The following TNK2 variants were observed in gnomAD, a reference collection of about 807,000 sequenced individuals.
The protein encoded by TNK2 is tyrosine kinase non receptor 2.
TNK2 carries 83 observed loss-of-function variants against 101.8 expected under a neutral mutation model. The observed-to-expected ratio is 0.82, with a 90% confidence interval of 0.68 to 0.98. The LOEUF is 0.98. TNK2 is among the 50% of genes least tolerant of loss of function. The pLI, the probability that TNK2 is intolerant of heterozygous loss-of-function variation, is 0.00. For synonymous variants in TNK2, 804 were observed against 633.0 expected (o/e 1.27, Z -4.06); for missense variants, 1,665 against 1,483.2 (o/e 1.12, Z -2.01).
chr3:195,868,861 G>A, intron 12 of TNK2, 152 bp from the exon 13 acceptor site: 2 of 881,340 alleles, frequency 2.3e-6, no homozygotes, highest in Non-Finnish European at 3.3e-6. Flanking sequence ...CCGGCGGCCA[G>A]GTTCTCAGCG....
chr3:195,868,216 C>T lies in TNK2; in HGVS notation c.2082G>A (p.Pro694=), dbSNP rs563488816. The T allele has an allele frequency of 4.9e-5, 78 of 1,606,712 alleles. No individual in the cohort carries two copies. Among genetic ancestry groups the T allele is most frequent in the Non-Finnish European group, 3.5e-5 (41 of 1,178,894 alleles). Residue 694 remains proline (P), a synonymous_variant, in exon 13 of 16, where the codon CCG becomes CCA. Transcript: ENST00000672887. ...NYAFVPEQAR[P]PPPLEDNLFL... ...ACAGGTTGTCCTCCAGGGGAGGGGG[C>T]GGCCGCGCCTGCTCAGGCACAAAGG...
At chr3:195,907,137 T>C (rs1425913156) in intron 1 of TNK2, among the ~76,000 whole-genome samples, 2 of 152,184 alleles carry the variant, frequency 1.3e-5, no homozygotes, top group South Asian at 2.1e-4. Flanking sequence ...TAGGTGAAGA[T>C]TGTGTGTATG....
intron 1 of TNK2, among the ~76,000 whole-genome samples, chr3:195,903,547 T>C (rs148305404): frequency 1.3e-5 from 2 of 151,978 alleles, no homozygotes; most frequent in Non-Finnish European, 2.9e-5. Context: ...TGAAACCCCA[T>C]CTCTACTAAG....
chr3:195,864,256 G>T, intron 15 of TNK2, 69 bp from the exon 16 acceptor site: 2 of 1,588,156 alleles, frequency 1.3e-6, no homozygotes, highest in Non-Finnish European at 1.7e-6. Flanking sequence ...GGCACCGGGG[G>T]TCACACTGGT....
chr3:195,893,520 C>T (rs1282631447), intron 1 of TNK2, among the ~76,000 whole-genome samples: 1 of 152,134 alleles, frequency 6.6e-6, no homozygotes, highest in Non-Finnish European at 1.5e-5. Context: ...TGACACAGAC[C>T]ACGGCCTCAG....
At chr3:195,902,617 C>CAAAAAA (rs776140268) in intron 1 of TNK2, among the ~76,000 whole-genome samples, 1 of 43,068 alleles carries the variant, frequency 2.3e-5, no homozygotes, top group Non-Finnish European at 4.7e-5. Context: ...GACTCCGTCT[C>CAAAAAA]AAAAAAAAAA....
In TNK2 at chr3:195,885,517, T is replaced by C. The variant is rs1322979833; in HGVS notation, c.235-484A>G. ...CATTTGGTGCTGTCTGTCTCCACCC[T>C]CACCAGGGAGTCGGCTGCCCTTCAT... On this transcript the variant is annotated intron_variant, in intron 3 of 15. Coordinates refer to ENST00000672887, the MANE Select transcript of TNK2 (RefSeq NM_001382273.1). This position sits in a 1 kb window ranked among gnomAD's most constrained non-coding sequence, Gnocchi z 4.7. 2 of 1,293,570 alleles carry C rather than the reference T, an allele frequency of 1.5e-6. No homozygotes were observed. Among genetic ancestry groups the C allele is most frequent in the Non-Finnish European group, 2.0e-6 (2 of 991,520 alleles). 80.1% of individuals were successfully genotyped at this position (1,293,570 alleles called of 1,614,324 possible). A position where few individuals can be genotyped will look rare whatever the true frequency, so the allele number is the denominator to read the frequency against.
At chr3:195,904,404 G>C (rs1469069758) in intron 1 of TNK2, among the ~76,000 whole-genome samples, 2 of 152,066 alleles carry the variant, frequency 1.3e-5, no homozygotes, top group South Asian at 2.1e-4. Context: ...CCTTGAATAC[G>C]CTAGGCCGAG....
At chr3:195,901,270 TGGAGGCTCAG>T (rs1553917833) in intron 1 of TNK2, among the ~76,000 whole-genome samples, 1 of 152,170 alleles carries the variant, frequency 6.6e-6, no homozygotes, top group Non-Finnish European at 1.5e-5. Flanking sequence ...TGGAGGCTCA[TGGAGGCTCAG>T]GATCTGGGGG....
At chr3:195,897,816 C>CT (rs1760787239) in intron 1 of TNK2, among the ~76,000 whole-genome samples, 1 of 30,402 alleles carries the variant, frequency 3.3e-5, no homozygotes, top group African/African-American at 1.7e-4. Context: ...CCTCACCCCC[C>CT]CACCCCCCCC....
chr3:195,900,345 C>T (rs1761074768), intron 1 of TNK2, among the ~76,000 whole-genome samples: 1 of 151,994 alleles, frequency 6.6e-6, no homozygotes, highest in Non-Finnish European at 1.5e-5. Context: ...CTCGTCCCCT[C>T]CAACTCCAGT....
chr3:195,884,866 A>C lies in TNK2; in HGVS notation c.402T>G (p.Asp134Glu). The C allele has an allele frequency of 1.2e-6, 2 of 1,613,714 alleles. No homozygotes were observed. Among genetic ancestry groups the C allele is most frequent in the Non-Finnish European group, 1.7e-6 (2 of 1,179,974 alleles). Residue 134 changes from aspartate to glutamate, a missense_variant, in exon 4 of 16, where the codon GAT (aspartate) becomes GAG (glutamate). Transcript: ENST00000672887. ...CCCTGCGCACCACGCCAAAGGAACC[A>C]TCACCCAGCTTCTCCAGGAGGCGCA... ...KDLRLLEKLG[D>E]GSFGVVRRGE...
rs778973474 is a variant in TNK2 at position 195,867,718 on chromosome 3, C to T, written c.2580G>A (p.Leu860=). 162 of 1,605,688 alleles carry T rather than the reference C, an allele frequency of 1.0e-4. No homozygotes were observed. Among genetic ancestry groups the T allele is most frequent in the Non-Finnish European group, 1.3e-4 (150 of 1,177,214 alleles). ...APGPRAGPCI[L]PIVRDGKKVS... is the part of the protein sequence containing the mutation. ...CCTTCTTGCCATCCCGGACGATGGGCAGGATGCAGGGACCAGCCCGCGGGC... is the reference window on the plus strand; with the variant it reads ...CCTTCTTGCCATCCCGGACGATGGGTAGGATGCAGGGACCAGCCCGCGGGC... The change falls in exon 13 of 16, where the codon CTG becomes CTA. Residue 860 remains leucine, a synonymous_variant. Coordinates refer to ENST00000672887, the MANE Select transcript of TNK2 (RefSeq NM_001382273.1).
chr3:195,895,339 CA>C (rs1197368801), intron 1 of TNK2: 6 of 1,566,544 alleles, frequency 3.8e-6, no homozygotes. Context: ...GGGAGAGAAG[CA>C]GCGCCCGCAG....
chr3:195,888,623 G>A lies in TNK2; in HGVS notation c.-18-17C>T. 1 of 1,599,518 alleles carries A rather than the reference G, an allele frequency of 6.3e-7. No individual in the cohort carries two copies. Among genetic ancestry groups the A allele is most frequent in the East Asian group, 2.2e-5 (1 of 44,674 alleles). Reference sequence around the variant, plus strand: ...TCCCAGCCTCTGTGGGGGGAGGAGTGGCTCAGGGACAAGGGTTGTGGGGGG... The same window carrying A: ...TCCCAGCCTCTGTGGGGGGAGGAGTAGCTCAGGGACAAGGGTTGTGGGGGG... On this transcript the variant is annotated splice_polypyrimidine_tract_variant and intron_variant, in intron 1 of 15. Coordinates refer to ENST00000672887, the MANE Select transcript of TNK2 (RefSeq NM_001382273.1). The surrounding 1 kb of genome is among the most constrained non-coding windows in gnomAD (Gnocchi z 5.3).
chr3:195,887,877 C>A (rs1057103667), intron 2 of TNK2, among the ~76,000 whole-genome samples: 1 of 146,428 alleles, frequency 6.8e-6, no homozygotes, highest in East Asian at 2.0e-4. Context: ...GGCGTGTGAG[C>A]GCGTGCGTAC....
At chr3:195,906,440 T>C (rs773280263) in intron 1 of TNK2, among the ~76,000 whole-genome samples, 1 of 152,158 alleles carries the variant, frequency 6.6e-6, no homozygotes, top group Non-Finnish European at 1.5e-5. Context: ...GGCACACGTG[T>C]ACAATGACTG....
chr3:195,871,948 TTCCCCTGGAGAACCC>T (rs1362016101), intron 10 of TNK2, among the ~76,000 whole-genome samples: 11,994 of 74,134 alleles, frequency 0.16, 2,247 homozygotes, highest in Middle Eastern at 0.3. Context: ...CTGGAGAACA[TTCCCCTGGAGAACCC>T]TCCCCTGGAG....
chr3:195,870,076 G>C, intron 11 of TNK2, 38 bp downstream of exon 11: 1 of 1,417,760 alleles, frequency 7.1e-7, no homozygotes, highest in Middle Eastern at 1.8e-4. Flanking sequence ...CTGAGTAGCC[G>C]ATGAGTTAGG....
Sources: allele counts gnomAD v4.1 joint callset (sites outside exome capture counted in the v4.1 genomes callset), GRCh38; gene constraint gnomAD v4.1.1; non-coding constraint Gnocchi (gnomAD v3.1); transcripts MANE v1.5; gene names NCBI Gene and HGNC (gene_info 2026-07-23, HGNC 2026-07-21).